Variants in CDK5RAP2 observed in about 807,000 individuals in gnomAD.
CDK5RAP2 encodes the protein CDK5 regulatory subunit associated protein 2.
In CDK5RAP2, 147 loss-of-function variants were observed where a neutral mutation model predicts 232.9. The observed-to-expected ratio is 0.63, with a 90% CI of 0.55 to 0.72. The LOEUF (loss-of-function observed/expected upper bound fraction) is 0.72, where lower values mean the gene tolerates loss of function less well. Ranked by LOEUF, CDK5RAP2 falls within the 30% of genes least tolerant of loss-of-function variation. CDK5RAP2 has a pLI of 0.00. For synonymous variants in CDK5RAP2, 833 were observed against 833.7 expected (o/e 1.00, Z 0.01); for missense variants, 2,195 against 2,231.5 (o/e 0.98, Z 0.33).
intron 16 of CDK5RAP2, 149 bp downstream of exon 16, chr9:120,471,599 A>G (rs2037706744): frequency 8.9e-7 from 1 of 1,124,670 alleles, no homozygotes; most frequent in South Asian, 1.3e-5. Flanking sequence ...TAGGAAGGCT[A>G]ACATCAGCAT....
chr9:120,531,451 C>T (rs1337507306), intron 7 of CDK5RAP2, among the ~76,000 whole-genome samples: 1 of 152,166 alleles, frequency 6.6e-6, no homozygotes, highest in African/African-American at 2.4e-5. Flanking sequence ...ATATCAACTG[C>T]CCCTTGGCCA....
At position 120,435,451 on chromosome 9, in the gene CDK5RAP2, A is replaced by T. The variant is rs577428365; in HGVS notation, c.3955+1844T>A. ...ACCATTGTGAAGTAATGATTTTTTT[A>T]AAAAATAAATTACACATTTACACAC... On this transcript the variant is annotated intron_variant, in intron 25 of 37. Transcript: ENST00000349780. 4.0e-5 allele frequency among the ~76,000 whole-genome samples: 6 copies of T among 148,536 alleles called. No homozygotes were observed. In the East Asian group the frequency reaches 1.0e-3, roughly 25 times the overall value.
Position 120,537,585 on chromosome 9 carries a change from T to G in CDK5RAP2, c.508-1059A>C, listed in dbSNP as rs74432044. 1.2e-3 allele frequency among the ~76,000 whole-genome samples: 190 copies of G among 152,052 alleles called. 4 individuals are homozygous for G. The East Asian group carries it at 0.032, about 26-fold the overall frequency. On this transcript the variant is annotated intron_variant, in intron 6 of 37. Coordinates refer to ENST00000349780, the MANE Select transcript of CDK5RAP2 (RefSeq NM_018249.6). ...AAAGTTATATCCTAAGACAGTAGAG[T>G]ATAGCAGTTTAGAATGCAGGTCTGA...
At chr9:120,518,200 TGTGTGTGTGTGAGAGA>T (rs1426256890) in intron 12 of CDK5RAP2, among the ~76,000 whole-genome samples, 20 of 104,708 alleles carry the variant, frequency 1.9e-4, no homozygotes, top group African/African-American at 7.3e-4. Context: ...TGTGTGTGTG[TGTGTGTGTGTGAGAGA>T]GAGAGAGAGA....
At chr9:120,526,991 A>G (rs1385976273) in intron 10 of CDK5RAP2, among the ~76,000 whole-genome samples, 1 of 151,472 alleles carries the variant, frequency 6.6e-6, no homozygotes, top group Non-Finnish European at 1.5e-5. Flanking sequence ...ATCCACACCT[A>G]ATCTGGATCA....
chr9:120,576,564 T>C (rs970876352), intron 1 of CDK5RAP2, among the ~76,000 whole-genome samples: 1 of 152,140 alleles, frequency 6.6e-6, no homozygotes, highest in African/African-American at 2.4e-5. Flanking sequence ...TAGCCGAGCA[T>C]GGTGGCACGT....
At chr9:120,460,808 G>T in intron 18 of CDK5RAP2, 141 bp from the exon 19 acceptor site, 2 of 1,408,088 alleles carry the variant, frequency 1.4e-6, no homozygotes, top group Non-Finnish European at 1.9e-6. Context: ...AAATGCCAAA[G>T]CCATGAAATA....
intron 2 of CDK5RAP2, 126 bp from the exon 3 acceptor site, chr9:120,568,514 C>T: frequency 1.3e-6 from 1 of 777,274 alleles, no homozygotes; most frequent in South Asian, 1.4e-5. Flanking sequence ...CTGGTACTTG[C>T]TGTCTTTTGT....
intron 7 of CDK5RAP2, among the ~76,000 whole-genome samples, chr9:120,534,737 G>A (rs913758243): frequency 3.9e-5 from 6 of 152,100 alleles, no homozygotes; most frequent in East Asian, 1.9e-4. Flanking sequence ...CTTCACAGGC[G>A]CCAGGAATTC....
chr9:120,572,106 T>C, intron 1 of CDK5RAP2, 65 bp from the exon 2 acceptor site: 2 of 1,233,100 alleles, frequency 1.6e-6, no homozygotes, highest in Non-Finnish European at 2.4e-6. Context: ...GTTAAGACGG[T>C]CTGGACTGCA....
At chr9:120,526,094 C>T (rs1422009554) in intron 10 of CDK5RAP2, among the ~76,000 whole-genome samples, 1 of 152,180 alleles carries the variant, frequency 6.6e-6, no homozygotes, top group African/African-American at 2.4e-5. Context: ...GCAGTCCCAT[C>T]ATCAACCTTC....
intron 25 of CDK5RAP2, among the ~76,000 whole-genome samples, chr9:120,430,272 A>C (rs889834726): frequency 6.6e-6 from 1 of 152,234 alleles, no homozygotes; most frequent in African/African-American, 2.4e-5. Flanking sequence ...GGATCTAATT[A>C]AACTCAAGAG....
At chr9:120,561,475 T>A (rs924766019) in intron 3 of CDK5RAP2, among the ~76,000 whole-genome samples, 5 of 152,082 alleles carry the variant, frequency 3.3e-5, no homozygotes, top group African/African-American at 1.2e-4. Flanking sequence ...TTTTTAATTT[T>A]TTTTTGTAGA....
At position 120,403,221 on chromosome 9, in the gene CDK5RAP2, C is replaced by T. The variant is rs759490442; in HGVS notation, c.5042-150G>A. On this transcript the variant is annotated intron_variant, in intron 33 of 37. Transcript: ENST00000349780. The surrounding 1 kb of genome is among the most constrained non-coding windows in gnomAD (Gnocchi z 4.2). ...AAGCCCAGAGGGGAAAAGAGGCACG[C>T]TCCTGGACCTCTGTATATTACCCCA... 12 of 698,538 alleles carry T rather than the reference C, an allele frequency of 1.7e-5. No individual in the cohort carries two copies. The highest frequency in any genetic ancestry group is 1.2e-4 in the African/African-American group (7 of 56,208). 43.3% of individuals were successfully genotyped at this position (698,538 alleles called of 1,614,324 possible).
chr9:120,398,997 C>G (rs1225303645), intron 35 of CDK5RAP2, among the ~76,000 whole-genome samples: 1 of 152,184 alleles, frequency 6.6e-6, no homozygotes, highest in East Asian at 1.9e-4. Flanking sequence ...TGGCTAGAGG[C>G]AATTTAACAC....
chr9:120,572,865 A>G (rs1046757161), intron 1 of CDK5RAP2, among the ~76,000 whole-genome samples: 1 of 152,232 alleles, frequency 6.6e-6, no homozygotes, highest in African/African-American at 2.4e-5. Context: ...AGTGCTTTAC[A>G]ATTTATAAAA....
At chr9:120,569,202 G>T (rs569417008) in intron 2 of CDK5RAP2, among the ~76,000 whole-genome samples, 50 of 152,312 alleles carry the variant, frequency 3.3e-4, no homozygotes, top group African/African-American at 1.2e-3. Context: ...AATGTGTGCT[G>T]AGTGAATAAG....
chr9:120,474,050 T>C (rs1009285511), intron 15 of CDK5RAP2, among the ~76,000 whole-genome samples: 1 of 152,170 alleles, frequency 6.6e-6, no homozygotes, highest in African/African-American at 2.4e-5. Flanking sequence ...AAGCTCAAAA[T>C]AGCACGCCAC....
At chr9:120,394,668 C>A in intron 35 of CDK5RAP2, 30 bp from the exon 36 acceptor site, 1 of 1,525,150 alleles carries the variant, frequency 6.6e-7, no homozygotes, top group Non-Finnish European at 9.1e-7. Context: ...GAAAAATGAA[C>A]AAAGAACATA....
Sources: allele counts gnomAD v4.1 joint callset (sites outside exome capture counted in the v4.1 genomes callset), GRCh38; gene constraint gnomAD v4.1.1; non-coding constraint Gnocchi (gnomAD v3.1); transcripts MANE v1.5; gene names NCBI Gene and HGNC (gene_info 2026-07-23, HGNC 2026-07-21).